Variants in NPC1 observed in about 807,000 individuals in gnomAD.
NPC1 encodes Niemann-Pick C1 protein.
Under a neutral mutation model 140.4 loss-of-function variants are expected in NPC1, and 85 were observed. The ratio of observed to expected loss-of-function variants is 0.61; its 90% CI spans 0.51 to 0.72. NPC1 has a LOEUF of 0.72. NPC1 is among the 30% of genes least tolerant of loss of function. The pLI, the probability that NPC1 is intolerant of heterozygous loss-of-function variation, is 0.00. For synonymous variants in NPC1, 656 were observed against 624.8 expected (o/e 1.05, Z -0.74); for missense variants, 1,504 against 1,623.8 (o/e 0.93, Z 1.27).
intron 10 of NPC1, among the ~76,000 whole-genome samples, chr18:23,550,479 CT>C (rs68163205): frequency 4.0e-4 from 30 of 74,946 alleles, no homozygotes; most frequent in South Asian, 1.7e-3. Flanking sequence ...TCTTACATTT[CT>C]TTTTTTTTTT....
intron 9 of NPC1, among the ~76,000 whole-genome samples, chr18:23,552,527 C>T (rs1021352088): frequency 6.6e-6 from 1 of 152,132 alleles, no homozygotes; most frequent in Non-Finnish European, 1.5e-5. Context: ...AGATAGCTTG[C>T]GTGGCAAAGT....
At chr18:23,565,445 T>TC (rs1211248477) in intron 4 of NPC1, among the ~76,000 whole-genome samples, 2 of 152,176 alleles carry the variant, frequency 1.3e-5, no homozygotes, top group African/African-American at 4.8e-5. Context: ...AACCACCGCG[T>TC]CCCAGGTTCA....
chr18:23,562,579 G>A (rs73967118), intron 4 of NPC1, among the ~76,000 whole-genome samples: 3,006 of 152,208 alleles, frequency 0.02, 93 homozygotes, highest in African/African-American at 0.068. Context: ...ATCTCCCTCA[G>A]AATTCTCAAC....
chr18:23,560,468 TG>T lies in NPC1; in HGVS notation c.643del (p.His215MetfsTer6). On this transcript the variant is annotated frameshift_variant, in exon 6 of 25. Transcript: ENST00000269228. LOFTEE classifies it high-confidence loss of function. ...GGCATTGTTCATGGGCTCCATCCCA[TG>T]GACTGGAAAATCTACAGAAAGGAAT... ...ITPVFSDFPV[H>X]GMEPMNNATK... is the part of the protein sequence containing the mutation. 6.2e-7 allele frequency: 1 copy of T among 1,613,826 alleles called. No homozygotes were observed. Among genetic ancestry groups the T allele is most frequent in the Non-Finnish European group, 8.5e-7 (1 of 1,179,908 alleles).
At position 23,543,476 on chromosome 18, in the gene NPC1, C is replaced by T. The variant is rs1555634202; in HGVS notation, c.2224G>A (p.Glu742Lys). 1.2e-6 allele frequency: 2 copies of T among 1,607,348 alleles called. No individual in the cohort carries two copies. The highest frequency in any genetic ancestry group is 1.7e-5 in the Admixed American group (1 of 59,894). Residue 742 changes from glutamate to lysine, a missense_variant, in exon 14 of 25, where the codon GAG becomes AAG. Coordinates refer to ENST00000269228, the MANE Select transcript of NPC1 (RefSeq NM_000271.5). ...TTACCTAAGAAAAATGCTACAGTCT[C>T]AGAAAAGGATGACAGGAACATACTG... Reference protein sequence around the residue: ...APSMFLSSFSETVAFFLGALS... With the variant: ...APSMFLSSFSKTVAFFLGALS...
In NPC1 at chr18:23,543,875, G is replaced by A. The variant is rs2510343; in HGVS notation, c.2131-306C>T. On this transcript the variant is annotated intron_variant, in intron 13 of 24. Coordinates refer to ENST00000269228, the MANE Select transcript of NPC1 (RefSeq NM_000271.5). The stretch of plus-strand genomic sequence containing the variant: ...TCACTCTCACGTGCACTGAGTCTCC[G>A]CCCACGTCGGGTCTACAGGACGACT... Among the ~76,000 whole-genome samples, 3,539 of 152,236 alleles carry A rather than the reference G, an allele frequency of 0.023. 235 individuals carry two copies. In the East Asian group the frequency reaches 0.28, roughly 12 times the overall value.
intron 24 of NPC1, 27 bp from the exon 25 acceptor site, chr18:23,532,311 T>C (rs1339765682): frequency 6.2e-7 from 1 of 1,613,950 alleles, no homozygotes; most frequent in Non-Finnish European, 8.5e-7. Context: ...CTTTTTCTTA[T>C]TTCTGCAGGA....
At position 23,536,689 on chromosome 18, in the gene NPC1, G is replaced by C. The variant is rs750095738; in HGVS notation, c.3229C>G (p.Arg1077Gly). 1 of 1,613,968 alleles carries C rather than the reference G, an allele frequency of 6.2e-7. No individual in the cohort carries two copies. The highest frequency in any genetic ancestry group is 8.5e-7 in the Non-Finnish European group (1 of 1,179,934). The change falls in exon 21 of 25, where the codon CGA becomes GGA. Residue 1077 changes from arginine to glycine, a missense_variant. Physicochemically the swap from Arg to Gly is moderately radical, Grantham distance 125. Transcript: ENST00000269228. The part of the protein sequence containing the change: ...ETMGINGSAY[R>G]VFPYSVFYVF... Reference sequence around the variant, plus strand: ...AGGCTTTACCTGTAAGGAAATACTCGGTAGGCACTGCCGTTAATGCCCATG... The same window carrying C: ...AGGCTTTACCTGTAAGGAAATACTCCGTAGGCACTGCCGTTAATGCCCATG...
At chr18:23,584,487 C>G (rs981977368) in intron 1 of NPC1, among the ~76,000 whole-genome samples, 4 of 152,190 alleles carry the variant, frequency 2.6e-5, no homozygotes, top group African/African-American at 9.7e-5. Flanking sequence ...AACCTCTGAC[C>G]TATCCCAAAT....
chr18:23,537,227 G>A (rs1025807342), intron 20 of NPC1, among the ~76,000 whole-genome samples: 2 of 152,106 alleles, frequency 1.3e-5, no homozygotes, highest in African/African-American at 4.8e-5. Context: ...CTGCCACCAC[G>A]CTCAACTAAC....
chr18:23,513,375 G>A (rs1255992284), intron 3 of NPC1, among the ~76,000 whole-genome samples: 1 of 152,206 alleles, frequency 6.6e-6, no homozygotes. Context: ...CATGTGATAG[G>A]GTTTCCTTTT....
chr18:23,540,436 A>G lies in NPC1; in HGVS notation c.2604+12T>C. 4 of 1,501,840 alleles carry G rather than the reference A, an allele frequency of 2.7e-6. No individual in the cohort carries two copies. Among genetic ancestry groups the G allele is most frequent in the Non-Finnish European group, 3.7e-6 (4 of 1,088,554 alleles). The allele number at this position is 1,501,840 out of a possible 1,614,324, so 93.0% of individuals were successfully genotyped here. A position where few individuals can be genotyped will look rare whatever the true frequency, so the allele number is the denominator to read the frequency against. ...AGAAGTTAAAAAAAAAAAAAAAAGGAAGTCATCTTACATCTGGCATCGAAA... is the reference window on the plus strand; with the variant it reads ...AGAAGTTAAAAAAAAAAAAAAAAGGGAGTCATCTTACATCTGGCATCGAAA... On this transcript the variant is annotated intron_variant, in intron 17 of 24. Coordinates refer to ENST00000269228, the MANE Select transcript of NPC1 (RefSeq NM_000271.5).
chr18:23,528,575 T>A (rs973621096), downstream of NPC1: 1 of 153,192 alleles, frequency 6.5e-6, no homozygotes, highest in Non-Finnish European at 1.5e-5. Flanking sequence ...GGGTAAGAGG[T>A]CTGAGACAGG....
chr18:23,582,456 T>C (rs768757137), intron 1 of NPC1, among the ~76,000 whole-genome samples: 35 of 152,136 alleles, frequency 2.3e-4, no homozygotes, highest in Non-Finnish European at 4.4e-4. Flanking sequence ...TGCCACTAGT[T>C]TCTAAGTCTC....
chr18:23,520,095 C>A, downstream of NPC1: 1 of 806,578 alleles, frequency 1.2e-6, no homozygotes, highest in Non-Finnish European at 2.1e-6. Flanking sequence ...GGAGGAAATG[C>A]AAACACAGGC....
At position 23,538,663 on chromosome 18, in the gene NPC1, G is replaced by T; in HGVS notation, c.2920C>A (p.Pro974Thr). The change falls in exon 20 of 25, where the codon CCT becomes ACT. Residue 974 changes from proline to threonine, a missense_variant. Pro to Thr is a conservative substitution (Grantham distance 38, BLOSUM62 -1). Coordinates refer to ENST00000269228, the MANE Select transcript of NPC1 (RefSeq NM_000271.5). ...AGAGGCCTGCAGCGAACGCAGGCAG[G>T]GTCAACCACTGGCGGAGACATGCAG... ...DQFCNASVVD[P>T]ACVRCRPLTP... 1 of 1,614,034 alleles carries T rather than the reference G, an allele frequency of 6.2e-7. No individual in the cohort carries two copies. The highest frequency in any genetic ancestry group is 2.2e-5 in the East Asian group (1 of 44,886).
chr18:23,529,522 A>G (rs1374648167), downstream of NPC1: 1 of 1,253,698 alleles, frequency 8.0e-7, no homozygotes, highest in Non-Finnish European at 1.1e-6. Context: ...CCAGTGAAAG[A>G]TGAACACTGG....
intron 1 of NPC1, among the ~76,000 whole-genome samples, chr18:23,578,739 A>C (rs1230473496): frequency 1.3e-5 from 2 of 152,216 alleles, no homozygotes; most frequent in Non-Finnish European, 2.9e-5. Context: ...TAGCTGCCCA[A>C]CAGCCTCAGT....
At chr18:23,584,940 G>C (rs1003559725) in intron 1 of NPC1, among the ~76,000 whole-genome samples, 1 of 152,182 alleles carries the variant, frequency 6.6e-6, no homozygotes, top group Non-Finnish European at 1.5e-5. Flanking sequence ...CCAGTGCTTT[G>C]GGAGGCCAAG....
Sources: allele counts gnomAD v4.1 joint callset (sites outside exome capture counted in the v4.1 genomes callset), GRCh38; gene constraint gnomAD v4.1.1; transcripts MANE v1.5; gene names NCBI Gene and HGNC (gene_info 2026-07-23, HGNC 2026-07-21).